STAT3: variants seen among roughly 807,000 people sequenced by gnomAD.
The protein encoded by STAT3 is signal transducer and activator of transcription 3.
A neutral mutation model predicts 114.3 loss-of-function variants in STAT3; 7 were observed. The observed-to-expected ratio is 0.06, with a 90% CI of 0.03 to 0.11. The LOEUF (loss-of-function observed/expected upper bound fraction) is 0.11, where lower values mean the gene tolerates loss of function less well. Among genes scored for constraint, STAT3 ranks in the 10% least tolerant of loss-of-function variants. The pLI is 1.00. For synonymous variants in STAT3, 331 were observed against 354.5 expected (o/e 0.93, Z 0.74); for missense variants, 364 against 960.9 (o/e 0.38, Z 8.21).
chr17:42,362,590 A>G (rs1466027897), intron 1 of STAT3, among the ~76,000 whole-genome samples: 3 of 152,234 alleles, frequency 2.0e-5, no homozygotes, highest in Non-Finnish European at 2.9e-5. Context: ...TGGTTCCACC[A>G]CTTCGATCAC....
In STAT3 at chr17:42,315,859, A is replaced by G. The variant is rs1598378167; in HGVS notation, c.2258-59T>C. On this transcript the variant is annotated intron_variant, in intron 23 of 23. Transcript: ENST00000264657. The stretch of plus-strand genomic sequence containing the variant: ...GTCCACCCTCTGCAACTGGCAGGCC[A>G]CGCCCCCAGCCCTTCAGAGGACAGG... 4.3e-6 allele frequency: 7 copies of G among 1,613,146 alleles called. No individual in the cohort carries two copies. The South Asian group carries it at 4.4e-5, about 10-fold the overall frequency.
intron 1 of STAT3, chr17:42,374,185 G>C (rs1447572093): frequency 6.6e-6 from 1 of 152,206 alleles, no homozygotes; most frequent in Non-Finnish European, 1.5e-5. Context: ...ATCCCACAAT[G>C]TAAGTGAAGT....
intron 1 of STAT3, among the ~76,000 whole-genome samples, chr17:42,354,502 T>C (rs2083131802): frequency 6.6e-6 from 1 of 150,936 alleles, no homozygotes; most frequent in Non-Finnish European, 1.5e-5. Flanking sequence ...CAGCTAGTAG[T>C]TTTTTCCATA....
chr17:42,370,176 A>T (rs905814165), intron 1 of STAT3, among the ~76,000 whole-genome samples: 3 of 149,016 alleles, frequency 2.0e-5, no homozygotes, highest in Admixed American at 1.3e-4. Flanking sequence ...CGCCATGTTC[A>T]CCTGGCCTCA....
chr17:42,332,216 C>T (rs906303277), intron 10 of STAT3, among the ~76,000 whole-genome samples: 4 of 151,014 alleles, frequency 2.6e-5, no homozygotes, highest in Admixed American at 6.6e-5. Flanking sequence ...CGAGAGCCAC[C>T]GTGCCTGGCC....
At chr17:42,365,306 G>T (rs2083717037) in intron 1 of STAT3, among the ~76,000 whole-genome samples, 1 of 152,170 alleles carries the variant, frequency 6.6e-6, no homozygotes, top group Non-Finnish European at 1.5e-5. Flanking sequence ...ATCAGCCTTT[G>T]AGTCATCGCA....
intron 14 of STAT3, among the ~76,000 whole-genome samples, chr17:42,328,418 ATTT>A (rs938369205): frequency 1.3e-5 from 2 of 152,068 alleles, no homozygotes; most frequent in African/African-American, 2.4e-5. Context: ...TATTTTATTT[ATTT>A]TTTTGAGACA....
intron 22 of STAT3, 111 bp from the exon 23 acceptor site, chr17:42,317,012 A>G: frequency 6.4e-7 from 1 of 1,558,912 alleles, no homozygotes; most frequent in Non-Finnish European, 8.7e-7. Flanking sequence ...CTGGTCTCCA[A>G]CAGAAAAATA....
chr17:42,314,571 T>C lies in STAT3; in HGVS notation c.*1174A>G, dbSNP rs1193871862. On this transcript the variant is annotated 3_prime_UTR_variant, in exon 24 of 24. Transcript: ENST00000264657. ...ACAACCTAGCCTCTGAAACAGCAGA[T>C]CAAGTCCAGGGAGAAAGGGAGTCAA... is the stretch of plus-strand genomic sequence containing the variant. 4.3e-6 allele frequency: 1 copy of C among 232,514 alleles called. No homozygotes were observed. Among genetic ancestry groups the C allele is most frequent in the Non-Finnish European group, 8.5e-6 (1 of 117,424 alleles). 14.4% of individuals were successfully genotyped at this position (232,514 alleles called of 1,614,324 possible).
At position 42,360,644 on chromosome 17, in the gene STAT3, C is replaced by CA. The variant is rs577560063; in HGVS notation, c.-23-12106dup. Among the ~76,000 whole-genome samples, 314 of 123,744 alleles carry CA rather than the reference C, an allele frequency of 2.5e-3. 2 individuals carry two copies. Among genetic ancestry groups the CA allele is most frequent in the African/African-American group, 5.8e-3 (196 of 33,506 alleles). The allele number at this position is 123,744 out of a possible 152,430, so 81.2% of individuals were successfully genotyped here. A position where few individuals can be genotyped will look rare whatever the true frequency, so the allele number is the denominator to read the frequency against. ...AGGCAACAAGAGCAAAACTCCATCT[C>CA]AAAAAAAAAAAAAGAATTTTAGTTG... On this transcript the variant is annotated intron_variant, in intron 1 of 23. Coordinates refer to ENST00000264657, the MANE Select transcript of STAT3 (RefSeq NM_139276.3).
At position 42,331,420 on chromosome 17, in the gene STAT3, C is replaced by T. The variant is rs1460136452; in HGVS notation, c.1109+52G>A. On this transcript the variant is annotated intron_variant, in intron 11 of 23. Coordinates refer to ENST00000264657, the MANE Select transcript of STAT3 (RefSeq NM_139276.3). ...AGTTCAAATGATGTCTGTCAAAGTT[C>T]TCATTTTTCTATTCCTCATTTGAAA... 10 of 1,478,910 alleles carry T rather than the reference C, an allele frequency of 6.8e-6. No homozygotes were observed. The Admixed American group carries it at 1.7e-4, about 25-fold the overall frequency. The allele number at this position is 1,478,910 out of a possible 1,614,324, so 91.6% of individuals were successfully genotyped here. A position where few individuals can be genotyped will look rare whatever the true frequency, so the allele number is the denominator to read the frequency against.
In STAT3 at chr17:42,329,623, G is replaced by C. The variant is rs1332300103; in HGVS notation, c.1164C>G (p.Gly388=). The C allele has an allele frequency of 1.2e-6, 2 of 1,614,186 alleles. No homozygotes were observed. Among genetic ancestry groups the C allele is most frequent in the Admixed American group, 1.7e-5 (1 of 60,020 alleles). ...CCATGTTCATCACTTTTGTGTTTGT[G>C]CCCAGAATGTTAAATTTCCGGGATC... ...LRGSRKFNIL[G]TNTKVMNMEE... is the part of the protein sequence containing the mutation. The change falls in exon 13 of 24, where the codon GGC becomes GGG. Residue 388 remains glycine, a synonymous_variant. Transcript: ENST00000264657.
At chr17:42,370,552 C>A (rs1340325602) in intron 1 of STAT3, among the ~76,000 whole-genome samples, 1 of 152,122 alleles carries the variant, frequency 6.6e-6, no homozygotes, top group African/African-American at 2.4e-5. Context: ...GCGTGAGCCA[C>A]CGCGCCCAGC....
At chr17:42,388,245 C>T (rs1363682547) in intron 1 of STAT3, 34 bp downstream of exon 1, 3 of 1,231,750 alleles carry the variant, frequency 2.4e-6, no homozygotes, top group Non-Finnish European at 3.0e-6. Flanking sequence ...GGTCCCCAGG[C>T]CTCCCCAACG....
In STAT3 at chr17:42,344,290, C is replaced by T. The variant is rs185761063; in HGVS notation, c.372+1269G>A. Among the ~76,000 whole-genome samples the T allele has an allele frequency of 2.8e-3, 428 of 151,600 alleles. 2 individuals are homozygous for T. The highest frequency in any genetic ancestry group is 9.9e-3 in the African/African-American group (407 of 41,290). On this transcript the variant is annotated intron_variant, in intron 4 of 23. Transcript: ENST00000264657. ...ACAAAAAATTAGCTGGGTGTGGTGG[C>T]GCGCGCCTGTAGTCCCAGCTACTTG... is the stretch of plus-strand genomic sequence containing the variant.
intron 10 of STAT3, among the ~76,000 whole-genome samples, chr17:42,331,914 C>T (rs989950495): frequency 2.0e-5 from 3 of 151,412 alleles, no homozygotes; most frequent in African/African-American, 7.3e-5. Flanking sequence ...GATGACAGAG[C>T]GAGATCCTAT....
chr17:42,322,406 G>A lies in STAT3; in HGVS notation c.1977C>T (p.Ile659=), dbSNP rs771560652. 3.7e-6 allele frequency: 6 copies of A among 1,614,232 alleles called. 1 individual carries two copies. Among genetic ancestry groups the A allele is most frequent in the South Asian group, 3.3e-5 (3 of 91,088 alleles). ...SFAEIIMGYK[I]MDATNILVSP... ...ACACCAGGATATTGGTAGCATCCAT[G>A]ATCTTATAGCCCATGATGATTTCAG... Residue 659 remains isoleucine, a synonymous_variant, in exon 21 of 24, where the codon ATC becomes ATT. Transcript: ENST00000264657.
intron 20 of STAT3, 40 bp downstream of exon 20, chr17:42,322,964 G>A (rs2144689485): frequency 6.2e-7 from 1 of 1,612,464 alleles, no homozygotes; most frequent in Non-Finnish European, 8.5e-7. Context: ...TGAGGCCTCA[G>A]CAGCCACCAG....
intron 1 of STAT3, among the ~76,000 whole-genome samples, chr17:42,352,534 ATC>A (rs138041701): frequency 0.061 from 9,234 of 151,642 alleles, 345 homozygotes; most frequent in Non-Finnish European, 0.074. Context: ...AGGCCATTAG[ATC>A]TCTCTTACAA....
Sources: gnomAD v4.1 joint callset for allele counts (sites outside exome capture counted in the v4.1 genomes callset) on GRCh38, gnomAD v4.1.1 for gene constraint, MANE v1.5 for transcripts, NCBI Gene and HGNC (gene_info 2026-07-23, HGNC 2026-07-21) for gene names.